The following GCH1 variants were observed in gnomAD, a reference collection of about 807,000 sequenced individuals.
GCH1 encodes GTP cyclohydrolase I.
Under a neutral mutation model 25.9 loss-of-function variants are expected in GCH1, and 5 were observed. The observed-to-expected ratio is 0.19, with a 90% CI of 0.10 to 0.41. The LOEUF is 0.41. Ranked by LOEUF, GCH1 falls within the 10% of genes least tolerant of loss-of-function variation. The pLI is 1.00. For missense variants in GCH1, 261 were observed against 336.5 expected (o/e 0.78, Z 1.75); for synonymous variants, 159 against 129.6 (o/e 1.23, Z -1.54).
intron 3 of GCH1, among the ~76,000 whole-genome samples, chr14:54,854,280 G>A (rs1456237979): frequency 6.6e-6 from 1 of 152,208 alleles, no homozygotes; most frequent in Non-Finnish European, 1.5e-5. Context: ...GCAAACTGAA[G>A]GATCCTCAGA....
chr14:54,877,577 T>C (rs951387179), intron 1 of GCH1, among the ~76,000 whole-genome samples: 2 of 151,942 alleles, frequency 1.3e-5, no homozygotes, highest in Non-Finnish European at 2.9e-5. Context: ...CACTGCAACC[T>C]CCACCTCCTA....
At chr14:54,867,292 A>G (rs2040000943) in intron 1 of GCH1, among the ~76,000 whole-genome samples, 1 of 152,142 alleles carries the variant, frequency 6.6e-6, no homozygotes, top group African/African-American at 2.4e-5. Flanking sequence ...AGGCGAAGTG[A>G]AGAGCTGGCT....
intron 3 of GCH1, among the ~76,000 whole-genome samples, chr14:54,847,682 ATC>A (rs753454283): frequency 2.0e-5 from 3 of 151,746 alleles, no homozygotes; most frequent in Non-Finnish European, 1.5e-5. Context: ...ATATATATAT[ATC>A]TCCTATTAGT....
intron 1 of GCH1, among the ~76,000 whole-genome samples, chr14:54,871,254 C>A (rs1481369922): frequency 6.6e-6 from 1 of 152,138 alleles, no homozygotes; most frequent in Non-Finnish European, 1.5e-5. Context: ...GAGTGGACCT[C>A]CAGCAAACTC....
intron 3 of GCH1, among the ~76,000 whole-genome samples, chr14:54,850,732 G>T (rs565511277): frequency 6.6e-6 from 1 of 152,088 alleles, no homozygotes; most frequent in Admixed American, 6.5e-5. Context: ...TGCAGGGTTT[G>T]GTTTTCTGTC....
At position 54,843,618 on chromosome 14, in the gene GCH1, T is replaced by C. The variant is rs1292712225; in HGVS notation, c.*399A>G. ...CACTTTCGGCACTACACCACTTTTA[T>C]TGGAGGAAGAAAAAAAACAGTATAC... On this transcript the variant is annotated 3_prime_UTR_variant, in exon 6 of 6. Coordinates refer to ENST00000491895, the MANE Select transcript of GCH1 (RefSeq NM_000161.3). The C allele has an allele frequency of 1.8e-5, 26 of 1,471,140 alleles. No individual in the cohort carries two copies. The East Asian group carries it at 4.4e-4, about 25-fold the overall frequency. 91.1% of individuals were successfully genotyped at this position (1,471,140 alleles called of 1,614,324 possible).
intron 1 of GCH1, chr14:54,885,714 C>T (rs1470245281): frequency 5.0e-6 from 1 of 201,298 alleles, no homozygotes; most frequent in Non-Finnish European, 1.0e-5. Flanking sequence ...CATGGCGAAA[C>T]CCCGTCTCCA....
chr14:54,897,004 C>CTTTTTTT lies in GCH1; in HGVS notation c.343+5316_343+5317insAAAAAAA, dbSNP rs1264967638. Among the ~76,000 whole-genome samples the CTTTTTTT allele has an allele frequency of 5.7e-4, 66 of 115,930 alleles. 4 individuals are homozygous for CTTTTTTT. Among genetic ancestry groups the CTTTTTTT allele is most frequent in the African/African-American group, 1.1e-3 (28 of 25,764 alleles). 76.1% of individuals were successfully genotyped at this position (115,930 alleles called of 152,430 possible). Reference sequence around the variant, plus strand: ...GACTGATCTTATCCATTCTACTCCACTTTTTGTTTTTTTTTTTTTTTTTTG... The same window carrying CTTTTTTT: ...GACTGATCTTATCCATTCTACTCCACTTTTTTTTTTTTGTTTTTTTTTTTTTTTTTTG... On this transcript the variant is annotated intron_variant, in intron 1 of 5. Transcript: ENST00000491895.
At chr14:54,889,557 T>C (rs1389165364) in intron 1 of GCH1, among the ~76,000 whole-genome samples, 1 of 152,106 alleles carries the variant, frequency 6.6e-6, no homozygotes, top group Non-Finnish European at 1.5e-5. Context: ...CCTCGAAAAA[T>C]TCACCCAGAA....
rs1384688344 is a variant in GCH1, at chr14:54,843,662, A to C, written c.*355T>G. 9.5e-6 allele frequency: 15 copies of C among 1,573,524 alleles called. No homozygotes were observed. In the African/African-American group the frequency reaches 1.2e-4, roughly 13 times the overall value. ...AGTATACTGGGCACAGTTCCCTCTC[A>C]TTCCCAATGCTCCTATGCTTATGAG... On this transcript the variant is annotated 3_prime_UTR_variant, in exon 6 of 6. Transcript: ENST00000491895.
intron 1 of GCH1, among the ~76,000 whole-genome samples, chr14:54,888,722 A>G (rs1399310276): frequency 6.8e-6 from 1 of 147,518 alleles, no homozygotes; most frequent in Non-Finnish European, 1.5e-5. Flanking sequence ...ACAGGGTTTC[A>G]GCGTGTTAGC....
rs186014008 is a variant in GCH1 at position 54,871,379 on chromosome 14, A to G, written c.344-5943T>C. Among the ~76,000 whole-genome samples, 378 of 152,360 alleles carry G rather than the reference A, an allele frequency of 2.5e-3. 5 individuals are homozygous for G. Among genetic ancestry groups the G allele is most frequent in the Middle Eastern group, 0.01 (3 of 294 alleles). ...CCATCATCAAAGACCAAAGGTAGAT[A>G]AAACCACAAAGACAGGGAAAAAACA... On this transcript the variant is annotated intron_variant, in intron 1 of 5. Coordinates refer to ENST00000491895, the MANE Select transcript of GCH1 (RefSeq NM_000161.3).
intron 1 of GCH1, among the ~76,000 whole-genome samples, chr14:54,872,996 A>C (rs1480811002): frequency 6.6e-6 from 1 of 151,822 alleles, no homozygotes; most frequent in Non-Finnish European, 1.5e-5. Flanking sequence ...CTCTGCACCA[A>C]GCAGACCTAA....
intron 1 of GCH1, among the ~76,000 whole-genome samples, chr14:54,896,500 T>C (rs2040484797): frequency 2.0e-5 from 3 of 151,808 alleles, no homozygotes; most frequent in African/African-American, 4.8e-5. Flanking sequence ...AAATATTAAA[T>C]CCTTAAACAG....
intron 4 of GCH1, 62 bp from the exon 5 acceptor site, chr14:54,845,914 G>T: frequency 1.1e-6 from 1 of 896,194 alleles, no homozygotes; most frequent in Non-Finnish European, 1.9e-6. Context: ...AGCTTTTTCT[G>T]TCTCTAGAAC....
In GCH1 at chr14:54,884,801, A is replaced by AC. The variant is rs554444871; in HGVS notation, c.343+17519_343+17520insG. ...AACAACAACAACAACAACAACAACA[A>AC]AAAAAAAGATTACACAGTAATTTAT... On this transcript the variant is annotated intron_variant, in intron 1 of 5. Transcript: ENST00000491895. 8.4e-4 allele frequency: 129 copies of AC among 152,968 alleles called. 2 individuals are homozygous for AC. The South Asian group carries it at 0.016, about 20-fold the overall frequency. 9.5% of individuals were successfully genotyped at this position (152,968 alleles called of 1,614,324 possible).
At chr14:54,871,303 A>C (rs1013641694) in intron 1 of GCH1, among the ~76,000 whole-genome samples, 1 of 152,244 alleles carries the variant, frequency 6.6e-6, no homozygotes, top group African/African-American at 2.4e-5. Flanking sequence ...TGTTAGAAGG[A>C]AAACTAACAA....
At chr14:54,871,223 T>C (rs2040071603) in intron 1 of GCH1, among the ~76,000 whole-genome samples, 1 of 152,214 alleles carries the variant, frequency 6.6e-6, no homozygotes, top group Admixed American at 6.5e-5. Flanking sequence ...CCGCTGCTAA[T>C]ACCCAGGCAA....
At chr14:54,893,613 T>C (rs1459031339) in intron 1 of GCH1, among the ~76,000 whole-genome samples, 1 of 152,252 alleles carries the variant, frequency 6.6e-6, no homozygotes, top group Non-Finnish European at 1.5e-5. Flanking sequence ...TTCTATATCA[T>C]CCTCTCAGCT....
Sources: allele counts gnomAD v4.1 joint callset (sites outside exome capture counted in the v4.1 genomes callset), GRCh38; gene constraint gnomAD v4.1.1; transcripts MANE v1.5; gene names NCBI Gene and HGNC (gene_info 2026-07-23, HGNC 2026-07-21).